PIEZO2: variants seen among roughly 807,000 people sequenced by gnomAD.
PIEZO2 encodes the protein piezo type mechanosensitive ion channel component 2.
A neutral mutation model predicts 337.3 loss-of-function variants in PIEZO2; 172 were observed. That is an observed-to-expected ratio of 0.51 (90% CI 0.45 to 0.58). The LOEUF (loss-of-function observed/expected upper bound fraction) is 0.58, where lower values mean the gene tolerates loss of function less well. Among genes scored for constraint, PIEZO2 ranks in the 20% least tolerant of loss-of-function variants. The pLI is 0.00. For synonymous variants in PIEZO2, 1,251 were observed against 1,228.5 expected, an observed-to-expected ratio of 1.02 and a Z score of -0.38; for missense variants, 3,028 against 3,391.3, an observed-to-expected ratio of 0.89 and a Z score of 2.66.
At chr18:11,113,694 T>G (rs1187879962) in intron 1 of PIEZO2, among the ~76,000 whole-genome samples, 1 of 152,202 alleles carries the variant, frequency 6.6e-6, no homozygotes, top group East Asian at 1.9e-4. Context: ...ATTTTTTATT[T>G]GACAAAAGGA....
intron 55 of PIEZO2, 139 bp from the exon 56 acceptor site, chr18:10,671,918 C>A: frequency 1.3e-6 from 1 of 797,982 alleles, no homozygotes; most frequent in East Asian, 3.0e-5. Flanking sequence ...CATTTTTTCC[C>A]TTTGGTTAAA....
At chr18:10,860,007 T>C (rs1293520004) in intron 5 of PIEZO2, among the ~76,000 whole-genome samples, 3 of 152,116 alleles carry the variant, frequency 2.0e-5, no homozygotes, top group African/African-American at 4.8e-5. Context: ...CCTCTATTTT[T>C]GTCTAGGGAG....
intron 1 of PIEZO2, among the ~76,000 whole-genome samples, chr18:11,067,490 A>C (rs1025290104): frequency 6.6e-6 from 1 of 152,216 alleles, no homozygotes; most frequent in Non-Finnish European, 1.5e-5. Context: ...TGCTGCCTGC[A>C]AGAAACTCAC....
Position 10,785,504 on chromosome 18 carries a change from C to T in PIEZO2, c.2319-547G>A, listed in dbSNP as rs115047790. Among the ~76,000 whole-genome samples the T allele has an allele frequency of 9.9e-3, 1,510 of 152,278 alleles. 31 individuals are homozygous for T. Among genetic ancestry groups the T allele is most frequent in the African/African-American group, 0.035 (1,446 of 41,558 alleles). On this transcript the variant is annotated intron_variant, in intron 16 of 55. Coordinates refer to ENST00000674853, the MANE Select transcript of PIEZO2 (RefSeq NM_001378183.1). ...GTTTCACAGTTATTTTATATTAGTG[C>T]TTCCAAAACAGTATTCTTGATTTTC...
At chr18:11,060,422 G>A (rs902663421) in intron 2 of PIEZO2, among the ~76,000 whole-genome samples, 2 of 152,154 alleles carry the variant, frequency 1.3e-5, no homozygotes, top group Non-Finnish European at 1.5e-5. Context: ...CAGAACTGAA[G>A]GAGATAGAGA....
At position 10,773,545 on chromosome 18, in the gene PIEZO2, C is replaced by CA; in HGVS notation, c.2651dup (p.Leu884PhefsTer3). 6.5e-7 allele frequency: 1 copy of CA among 1,537,462 alleles called. No individual in the cohort carries two copies. Reference sequence around the variant, plus strand: ...CAAGCTTCTCCTCCCCAGGCTCAGCCAACTTCCTCACCTCCGGCTTCTCCA... The same window carrying CA: ...CAAGCTTCTCCTCCCCAGGCTCAGCCAAACTTCCTCACCTCCGGCTTCTCCA... On this transcript the variant is annotated frameshift_variant, in exon 20 of 56. Coordinates refer to ENST00000674853, the MANE Select transcript of PIEZO2 (RefSeq NM_001378183.1). LOFTEE classifies it high-confidence loss of function. This position sits in a 1 kb window ranked among gnomAD's most constrained non-coding sequence, Gnocchi z 5.3.
intron 7 of PIEZO2, among the ~76,000 whole-genome samples, chr18:10,832,680 G>A (rs1024214765): frequency 2.6e-5 from 4 of 152,228 alleles, no homozygotes; most frequent in East Asian, 1.9e-4. Context: ...GGAATGTACC[G>A]CTCTGCAATT....
At chr18:10,986,742 T>TA (rs1277715038) in intron 2 of PIEZO2, among the ~76,000 whole-genome samples, 1 of 151,828 alleles carries the variant, frequency 6.6e-6, no homozygotes, top group Non-Finnish European at 1.5e-5. Flanking sequence ...GAGAAAGAAA[T>TA]AAAAGACATC....
intron 5 of PIEZO2, among the ~76,000 whole-genome samples, chr18:10,867,547 A>T (rs1001615655): frequency 3.9e-5 from 6 of 152,190 alleles, no homozygotes; most frequent in Admixed American, 2.0e-4. Context: ...TTGACTTGTC[A>T]GTCTATTAAG....
At chr18:10,732,942 T>C (rs953444921) in intron 35 of PIEZO2, among the ~76,000 whole-genome samples, 3 of 152,324 alleles carry the variant, frequency 2.0e-5, no homozygotes, top group African/African-American at 7.2e-5. Flanking sequence ...AAAAGTGTTA[T>C]CACAATATTG....
At position 11,111,692 on chromosome 18, in the gene PIEZO2, A is replaced by T. The variant is rs948281090; in HGVS notation, c.64+36833T>A. ...TCCAATCCCCACTTAATTGAAGTCG[A>T]CAAGGCTTCTTGAACTGACACCGTC... On this transcript the variant is annotated intron_variant, in intron 1 of 55. Transcript: ENST00000674853. This position sits in a 1 kb window ranked among gnomAD's most constrained non-coding sequence, Gnocchi z 6.2. Among the ~76,000 whole-genome samples, 1 of 152,218 alleles carries T rather than the reference A, an allele frequency of 6.6e-6. No individual in the cohort carries two copies. Among genetic ancestry groups the T allele is most frequent in the African/African-American group, 2.4e-5 (1 of 41,456 alleles).
At chr18:10,981,146 A>C (rs1282194937) in intron 2 of PIEZO2, among the ~76,000 whole-genome samples, 1 of 152,124 alleles carries the variant, frequency 6.6e-6, no homozygotes, top group East Asian at 1.9e-4. Flanking sequence ...AATCGTATAT[A>C]TATATGTGTA....
chr18:11,074,840 G>A (rs143463464), intron 1 of PIEZO2, among the ~76,000 whole-genome samples: 16 of 152,258 alleles, frequency 1.1e-4, no homozygotes, highest in Non-Finnish European at 2.1e-4. Context: ...AGAGGTTTAC[G>A]CACACTTTAA....
At chr18:10,879,391 C>CTTTTTT (rs11385433) in intron 4 of PIEZO2, among the ~76,000 whole-genome samples, 21 of 106,008 alleles carry the variant, frequency 2.0e-4, no homozygotes, top group African/African-American at 5.4e-4. Context: ...CCTTTCCAAT[C>CTTTTTT]TTTTTTTTTT....
In PIEZO2 at chr18:10,773,472, C is replaced by T. The variant is rs369232281; in HGVS notation, c.2725G>A (p.Glu909Lys). ...AQKGDLGKDS[E>K]ESEEDGEEEE... ...TCCTCTCCGTCCTCCTCTGACTCCTCGCTGTCTTTCCCAAGATCACCCTTC... is the reference window on the plus strand; with the variant it reads ...TCCTCTCCGTCCTCCTCTGACTCCTTGCTGTCTTTCCCAAGATCACCCTTC... Residue 909 changes from glutamate (E) to lysine (K), a missense_variant, in exon 20 of 56, where the codon GAG becomes AAG. By Grantham distance (56) the Glu-to-Lys change is moderately conservative. Transcript: ENST00000674853. The surrounding 1 kb of genome is among the most constrained non-coding windows in gnomAD (Gnocchi z 5.3). The T allele has an allele frequency of 5.3e-5, 82 of 1,537,322 alleles. 1 individual carries two copies. The highest frequency in any genetic ancestry group is 4.5e-4 in the South Asian group (38 of 84,064).
At chr18:11,004,893 G>C (rs759499708) in intron 2 of PIEZO2, among the ~76,000 whole-genome samples, 1 of 152,226 alleles carries the variant, frequency 6.6e-6, no homozygotes, top group Non-Finnish European at 1.5e-5. Context: ...TTGAGAGCAG[G>C]AGACAAGTGC....
intron 40 of PIEZO2, among the ~76,000 whole-genome samples, chr18:10,706,651 C>T (rs1381547800): frequency 6.6e-6 from 1 of 152,130 alleles, no homozygotes; most frequent in African/African-American, 2.4e-5. Context: ...CCTTTGTCTC[C>T]TTCTTTTGTT....
At chr18:10,686,605 A>G (rs1376728475) in intron 49 of PIEZO2, among the ~76,000 whole-genome samples, 1 of 152,240 alleles carries the variant, frequency 6.6e-6, no homozygotes, top group African/African-American at 2.4e-5. Context: ...ATGAACAGAC[A>G]CTGAGCTTGC....
intron 15 of PIEZO2, among the ~76,000 whole-genome samples, chr18:10,788,130 G>T (rs1028633590): frequency 6.6e-6 from 1 of 152,032 alleles, no homozygotes; most frequent in East Asian, 1.9e-4. Context: ...GGCCAGGTGC[G>T]GTGGCTCATG....
Sources: gnomAD v4.1 joint callset for allele counts (sites outside exome capture counted in the v4.1 genomes callset) on GRCh38, gnomAD v4.1.1 for gene constraint, Gnocchi (gnomAD v3.1) non-coding constraint, MANE v1.5 for transcripts, NCBI Gene and HGNC (gene_info 2026-07-23, HGNC 2026-07-21) for gene names.